Variants in KIAA1958 observed in about 807,000 individuals in gnomAD.
The protein encoded by KIAA1958 is KIAA1958.
Under a neutral mutation model 47.2 loss-of-function variants are expected in KIAA1958, and 14 were observed. The observed-to-expected ratio is 0.30, with a 90% CI of 0.20 to 0.46. The LOEUF is 0.46. Ranked by LOEUF, KIAA1958 falls within the 20% of genes least tolerant of loss-of-function variation. KIAA1958 has a pLI of 1.00. For missense variants in KIAA1958, 803 were observed against 909.2 expected, an observed-to-expected ratio of 0.88 and a Z score of 1.50; for synonymous variants, 354 against 353.3, an observed-to-expected ratio of 1.00 and a Z score of -0.02.
intron 1 of KIAA1958, among the ~76,000 whole-genome samples, chr9:112,492,555 A>G (rs1022878618): frequency 1.3e-5 from 2 of 152,158 alleles, no homozygotes; most frequent in African/African-American, 2.4e-5. Context: ...CTACCTACAT[A>G]TGTACATACA....
intron 2 of KIAA1958, among the ~76,000 whole-genome samples, chr9:112,613,765 TA>T (rs1391577879): frequency 6.6e-6 from 1 of 152,212 alleles, no homozygotes. Context: ...TAAGAAAGGT[TA>T]ACAGTATTTA....
At chr9:112,560,684 A>G (rs553041776) in intron 1 of KIAA1958, among the ~76,000 whole-genome samples, 1 of 152,344 alleles carries the variant, frequency 6.6e-6, no homozygotes, top group African/African-American at 2.4e-5. Context: ...GCTGGTGAGC[A>G]GCATTTGTTA....
intron 3 of KIAA1958, among the ~76,000 whole-genome samples, chr9:112,650,684 A>G (rs1281014106): frequency 1.3e-5 from 2 of 152,224 alleles, no homozygotes; most frequent in African/African-American, 4.8e-5. Flanking sequence ...ATGGCAAGAT[A>G]TGGTAGCTGT....
intron 1 of KIAA1958, among the ~76,000 whole-genome samples, chr9:112,521,961 C>CTTTATTTATTTATTTA (rs146357893): frequency 0.28 from 40,271 of 146,348 alleles, 6,577 homozygotes; most frequent in Non-Finnish European, 0.37. Context: ...TTTTAAATAA[C>CTTTATTTATTTATTTA]TTTATTTATT....
intron 2 of KIAA1958, among the ~76,000 whole-genome samples, chr9:112,641,083 A>G (rs1346053097): frequency 6.6e-6 from 1 of 152,248 alleles, no homozygotes; most frequent in East Asian, 1.9e-4. Flanking sequence ...TGAATGTTAA[A>G]AATAAATGTT....
At chr9:112,535,242 C>T (rs1034078557) in intron 1 of KIAA1958, among the ~76,000 whole-genome samples, 4 of 152,138 alleles carry the variant, frequency 2.6e-5, no homozygotes, top group African/African-American at 9.7e-5. Flanking sequence ...TTTTTTCAGT[C>T]ATCCCACTGC....
At chr9:112,636,882 A>G (rs1564197681) in intron 2 of KIAA1958, among the ~76,000 whole-genome samples, 2 of 152,130 alleles carry the variant, frequency 1.3e-5, no homozygotes, top group Middle Eastern at 3.4e-3. Context: ...TTATGTTTAG[A>G]TCTATCATCT....
chr9:112,563,043 TTC>T lies in KIAA1958; in HGVS notation c.-24-11000_-24-10999del, dbSNP rs1023666527. 6.7e-3 allele frequency among the ~76,000 whole-genome samples: 887 copies of T among 131,800 alleles called. 14 individuals carry two copies. The highest frequency in any genetic ancestry group is 0.024 in the African/African-American group (825 of 33,838). 86.5% of individuals were successfully genotyped at this position (131,800 alleles called of 152,430 possible). A position where few individuals can be genotyped will look rare whatever the true frequency, so the allele number is the denominator to read the frequency against. On this transcript the variant is annotated intron_variant, in intron 1 of 3. Transcript: ENST00000337530. The stretch of plus-strand genomic sequence containing the variant: ...TAACTTTCTGTCTCTCTCTCTCTCT[TTC>T]TCTCTCTCTCTCTGTCTCTGTCTCT...
chr9:112,536,842 G>T (rs1456521342), intron 1 of KIAA1958, among the ~76,000 whole-genome samples: 1 of 151,984 alleles, frequency 6.6e-6, no homozygotes, highest in Non-Finnish European at 1.5e-5. Flanking sequence ...ATTCCAAGTA[G>T]AATTTTAGAT....
chr9:112,667,826 A>G lies in KIAA1958; in HGVS notation c.*7757A>G, dbSNP rs1263750991. 1 of 152,202 alleles carries G rather than the reference A, an allele frequency of 6.6e-6. No homozygotes were observed. The highest frequency in any genetic ancestry group is 1.5e-5 in the Non-Finnish European group (1 of 68,028). 9.4% of individuals were successfully genotyped at this position (152,202 alleles called of 1,614,324 possible). ...ATAATAAGTTGTACAGCAACCTACG[A>G]GGCTTGATTTAAATAAAACAATGTT... On this transcript the variant is annotated 3_prime_UTR_variant, in exon 4 of 4. Transcript: ENST00000337530.
intron 2 of KIAA1958, among the ~76,000 whole-genome samples, chr9:112,623,545 T>C (rs1012870520): frequency 1.3e-5 from 2 of 152,166 alleles, no homozygotes; most frequent in African/African-American, 4.8e-5. Context: ...TCAAATTAAT[T>C]CAACTCATTG....
chr9:112,619,556 G>A (rs980785322), intron 2 of KIAA1958, among the ~76,000 whole-genome samples: 2 of 152,028 alleles, frequency 1.3e-5, no homozygotes, highest in South Asian at 4.1e-4. Context: ...TTTTCTTTTT[G>A]GGGGGAAAGG....
At chr9:112,612,972 G>A (rs901637206) in intron 2 of KIAA1958, among the ~76,000 whole-genome samples, 13 of 152,260 alleles carry the variant, frequency 8.5e-5, no homozygotes, top group Non-Finnish European at 5.9e-5. Context: ...ATGATATGGC[G>A]CTATCTCTAA....
At chr9:112,579,739 T>C (rs1835706619) in intron 2 of KIAA1958, among the ~76,000 whole-genome samples, 3 of 152,248 alleles carry the variant, frequency 2.0e-5, no homozygotes. Flanking sequence ...TCATGTAAAA[T>C]TGAGTTCAGT....
At chr9:112,513,479 T>TAGGTGG (rs1564154638) in intron 1 of KIAA1958, among the ~76,000 whole-genome samples, 22 of 9,806 alleles carry the variant, frequency 2.2e-3, no homozygotes, top group South Asian at 6.3e-3. Context: ...CGGGCTGGGG[T>TAGGTGG]CGGTGGCCGC....
At chr9:112,627,163 C>T (rs1407919509) in intron 2 of KIAA1958, among the ~76,000 whole-genome samples, 3 of 152,122 alleles carry the variant, frequency 2.0e-5, no homozygotes, top group Admixed American at 1.3e-4. Flanking sequence ...GTTTATAATT[C>T]CAGGCCAGGT....
Position 112,660,016 on chromosome 9 carries a change from G to A in KIAA1958, c.2098G>A (p.Val700Ile), listed in dbSNP as rs1216261609. 3.1e-6 allele frequency: 5 copies of A among 1,614,008 alleles called. No individual in the cohort carries two copies. In the East Asian group the frequency reaches 8.9e-5, roughly 29 times the overall value. ...GGAAAACTGTGAGAACTTCACCTTT[G>A]TCTCGTTCACTCAGGTCTCCCGGAG... is the stretch of plus-strand genomic sequence containing the variant. ...KLENCENFTF[V>I]SFTQVSRRLG... Residue 700 changes from valine to isoleucine, a missense_variant, in exon 4 of 4, where the codon GTC becomes ATC. Coordinates refer to ENST00000337530, the MANE Select transcript of KIAA1958 (RefSeq NM_133465.4).
intron 1 of KIAA1958, among the ~76,000 whole-genome samples, chr9:112,527,936 CA>C (rs34568466): frequency 0.92 from 115,389 of 124,996 alleles, 53,107 homozygotes; most frequent in African/African-American, 0.97. Context: ...GACCCTTTCT[CA>C]AAAAAAAAAA....
intron 2 of KIAA1958, chr9:112,619,046 A>G: frequency 1.0e-6 from 1 of 976,720 alleles, no homozygotes; most frequent in Non-Finnish European, 1.3e-6. Flanking sequence ...TATATAATAT[A>G]TTTTTCTTTT....
Sources: allele counts gnomAD v4.1 joint callset (sites outside exome capture counted in the v4.1 genomes callset), GRCh38; gene constraint gnomAD v4.1.1; transcripts MANE v1.5; gene names NCBI Gene and HGNC (gene_info 2026-07-23, HGNC 2026-07-21).